The following DAB1 variants were observed in gnomAD, a reference collection of about 807,000 sequenced individuals.
DAB1 encodes DAB adaptor protein 1.
In DAB1, 15 loss-of-function variants were observed where a neutral mutation model predicts 64.6. The observed-to-expected ratio is 0.23, with a 90% CI of 0.16 to 0.36. The LOEUF (loss-of-function observed/expected upper bound fraction) is 0.36, where lower values mean the gene tolerates loss of function less well. Among genes scored for constraint, DAB1 ranks in the 10% least tolerant of loss-of-function variants. The pLI, the probability that DAB1 is intolerant of heterozygous loss-of-function variation, is 1.00. For synonymous variants in DAB1, 235 were observed against 251.9 expected, an observed-to-expected ratio of 0.93 and a Z score of 0.64; for missense variants, 596 against 706.7, an observed-to-expected ratio of 0.84 and a Z score of 1.78.
At chr1:57,017,333 G>A (rs2100341154) in intron 11 of DAB1, among the ~76,000 whole-genome samples, 1 of 152,314 alleles carries the variant, frequency 6.6e-6, no homozygotes, top group Non-Finnish European at 1.5e-5. Context: ...AGGAAAAAAA[G>A]AGGAATGGAT....
intron 7 of DAB1, among the ~76,000 whole-genome samples, chr1:57,555,622 G>T (rs1644979595): frequency 6.6e-6 from 1 of 152,134 alleles, no homozygotes; most frequent in Non-Finnish European, 1.5e-5. Context: ...TGGGCTCAGA[G>T]AAAGGAAAAG....
At chr1:57,659,654 G>C (rs1646361994) in intron 6 of DAB1, among the ~76,000 whole-genome samples, 1 of 152,008 alleles carries the variant, frequency 6.6e-6, no homozygotes, top group Admixed American at 6.6e-5. Context: ...CCCCAGCTAG[G>C]AATTTCATGG....
At chr1:57,112,372 A>G (rs556179823) in intron 4 of DAB1, among the ~76,000 whole-genome samples, 8 of 152,260 alleles carry the variant, frequency 5.3e-5, no homozygotes, top group African/African-American at 1.9e-4. Flanking sequence ...AATTTCCACA[A>G]TGGTCTTCTG....
Position 57,274,823 on chromosome 1 carries a change from C to G in DAB1, c.67+16141G>C, listed in dbSNP as rs537012549. ...TCTCGAGCTCCTGACCTCAGGTGAT[C>G]TGCCCGCCTTGGCCTCCCAAAGAGC... On this transcript the variant is annotated intron_variant, in intron 2 of 14. Transcript: ENST00000371236. Among the ~76,000 whole-genome samples the G allele has an allele frequency of 8.6e-5, 13 of 151,912 alleles. No homozygotes were observed. In the South Asian group the frequency reaches 2.7e-3, roughly 32 times the overall value.
At chr1:57,138,157 G>C (rs1393101643) in intron 3 of DAB1, among the ~76,000 whole-genome samples, 1 of 152,168 alleles carries the variant, frequency 6.6e-6, no homozygotes, top group Non-Finnish European at 1.5e-5. Context: ...CCTGCTAGGA[G>C]GAAATTCCCT....
At chr1:58,091,023 C>T (rs1650626055) in intron 5 of DAB1, among the ~76,000 whole-genome samples, 1 of 152,178 alleles carries the variant, frequency 6.6e-6, no homozygotes, top group East Asian at 1.9e-4. Flanking sequence ...CACTCTGTTA[C>T]ACCCTCTCCA....
chr1:58,137,399 A>G (rs1158873246), intron 5 of DAB1, among the ~76,000 whole-genome samples: 1 of 152,146 alleles, frequency 6.6e-6, no homozygotes, highest in African/African-American at 2.4e-5. Context: ...AACTGAATCA[A>G]AGAGAATGAG....
intron 3 of DAB1, among the ~76,000 whole-genome samples, chr1:57,140,018 CAGTCT>C (rs1658447963): frequency 6.6e-6 from 1 of 152,186 alleles, no homozygotes; most frequent in South Asian, 2.1e-4. Context: ...AAACTGCACT[CAGTCT>C]AGAGTGGGCC....
chr1:57,864,286 A>G (rs972362215), intron 1 of DAB1: 5 of 152,234 alleles, frequency 3.3e-5, no homozygotes, highest in Non-Finnish European at 7.3e-5. Flanking sequence ...AAGTCTTTCC[A>G]TAATGGTGTA....
chr1:57,104,967 C>G (rs929454154), intron 4 of DAB1, among the ~76,000 whole-genome samples: 1 of 152,132 alleles, frequency 6.6e-6, no homozygotes, highest in African/African-American at 2.4e-5. Flanking sequence ...GAATTCTAAG[C>G]CTTTTTCCCA....
chr1:57,513,869 C>G (rs1322723295), intron 7 of DAB1, among the ~76,000 whole-genome samples: 1 of 152,118 alleles, frequency 6.6e-6, no homozygotes, highest in Non-Finnish European at 1.5e-5. Flanking sequence ...TCCTGCAACC[C>G]CTGGTGACCA....
chr1:57,515,898 T>G (rs947243), intron 7 of DAB1, among the ~76,000 whole-genome samples: 1 of 152,148 alleles, frequency 6.6e-6, no homozygotes, highest in Non-Finnish European at 1.5e-5. Context: ...AAGTACAATT[T>G]TCTCTCTTTT....
rs1326465639 is a variant in DAB1 at position 57,289,774 on chromosome 1, TGA to T, written c.67+1188_67+1189del. Among the ~76,000 whole-genome samples the T allele has an allele frequency of 2.0e-5, 3 of 152,230 alleles. No individual in the cohort carries two copies. In the East Asian group the frequency reaches 5.8e-4, roughly 29 times the overall value. On this transcript the variant is annotated intron_variant, in intron 2 of 14. Transcript: ENST00000371236. ...GCCCACATTGACAGATTTCAAGACCTGAGAGAGAGCTCTGTCAATCCTCTCCC... is the reference window on the plus strand; with the variant it reads ...GCCCACATTGACAGATTTCAAGACCTGAGAGAGCTCTGTCAATCCTCTCCC...
intron 5 of DAB1, chr1:58,048,620 T>G: frequency 9.1e-7 from 1 of 1,104,030 alleles, no homozygotes; most frequent in Non-Finnish European, 1.4e-6. Context: ...AAAGCCACCA[T>G]GACCACTAAA....
At chr1:57,391,766 AACACACACACACACACACACACAC>A (rs57332880) in intron 1 of DAB1, among the ~76,000 whole-genome samples, 1 of 94,566 alleles carries the variant, frequency 1.1e-5, no homozygotes, top group South Asian at 2.8e-4. Flanking sequence ...CAGAGGAATA[AACACACACACACACACACACACAC>A]ACACACACAC....
chr1:57,746,645 C>A (rs1648283849), intron 6 of DAB1, among the ~76,000 whole-genome samples: 1 of 152,138 alleles, frequency 6.6e-6, no homozygotes, highest in African/African-American at 2.4e-5. Flanking sequence ...AGAGTACTTG[C>A]ATAAAAACTA....
chr1:57,224,385 C>A (rs368118009), intron 2 of DAB1, among the ~76,000 whole-genome samples: 1 of 152,162 alleles, frequency 6.6e-6, no homozygotes, highest in Non-Finnish European at 1.5e-5. Context: ...CCAGATACAA[C>A]GCATCAACCC....
rs148431673 is a variant in DAB1 at position 57,191,715 on chromosome 1, C to T, written c.68-46286G>A. On this transcript the variant is annotated intron_variant, in intron 2 of 14. Coordinates refer to ENST00000371236, the MANE Select transcript of DAB1 (RefSeq NM_001365792.1). ...CCATCTTGAACAAAACGTTGGAGCA[C>T]ACCTGGAAAAGCTTATCATATACCA... Among the ~76,000 whole-genome samples the T allele has an allele frequency of 3.6e-3, 541 of 152,238 alleles. 2 individuals are homozygous for T. The highest frequency in any genetic ancestry group is 5.4e-3 in the Non-Finnish European group (366 of 68,030).
intron 3 of DAB1, among the ~76,000 whole-genome samples, chr1:58,359,717 T>A (rs375033646): frequency 2.3e-4 from 4 of 17,682 alleles, no homozygotes; most frequent in African/African-American, 4.2e-4. Flanking sequence ...TAATTAACAA[T>A]GATGGCAGTA....
Sources: gnomAD v4.1 joint callset for allele counts (sites outside exome capture counted in the v4.1 genomes callset) on GRCh38, gnomAD v4.1.1 for gene constraint, MANE v1.5 for transcripts, NCBI Gene and HGNC (gene_info 2026-07-23, HGNC 2026-07-21) for gene names.